KATNAL1: variants seen among roughly 807,000 people sequenced by gnomAD.
The protein encoded by KATNAL1 is katanin catalytic subunit A1 like 1, also known as katanin p60 ATPase-containing subunit A-like 1.
A neutral mutation model predicts 55.2 loss-of-function variants in KATNAL1; 32 were observed. That is an observed-to-expected ratio of 0.58 (90% CI 0.44 to 0.78). The LOEUF (loss-of-function observed/expected upper bound fraction) is 0.78. Among genes scored for constraint, KATNAL1 ranks in the 30% least tolerant of loss-of-function variants. KATNAL1 has a pLI of 0.00. For missense variants in KATNAL1, 466 were observed against 600.9 expected (o/e 0.78, Z 2.35); for synonymous variants, 193 against 193.6 (o/e 1.00, Z 0.02).
At chr13:30,224,122 T>C (rs537039880) in intron 9 of KATNAL1, among the ~76,000 whole-genome samples, 1 of 151,940 alleles carries the variant, frequency 6.6e-6, no homozygotes, top group South Asian at 2.1e-4. Flanking sequence ...AGAAAGGGGA[T>C]AAAAAAGGAA....
chr13:30,235,561 A>C (rs1033364201), intron 6 of KATNAL1, among the ~76,000 whole-genome samples: 4 of 152,230 alleles, frequency 2.6e-5, no homozygotes, highest in African/African-American at 9.6e-5. Context: ...AACTATATCC[A>C]AACTATAACA....
chr13:30,253,604 GCA>G (rs1878532549), intron 4 of KATNAL1, among the ~76,000 whole-genome samples: 1 of 148,020 alleles, frequency 6.8e-6, no homozygotes, highest in Non-Finnish European at 1.5e-5. Context: ...GGTGGAGCCT[GCA>G]GTGAGCTGAG....
intron 9 of KATNAL1, among the ~76,000 whole-genome samples, chr13:30,223,110 A>C (rs902040477): frequency 1.3e-5 from 2 of 151,314 alleles, no homozygotes; most frequent in Non-Finnish European, 2.9e-5. Context: ...AACAAACAAA[A>C]AAGAGATACA....
chr13:30,296,870 C>G, intron 1 of KATNAL1: 1 of 349,546 alleles, frequency 2.9e-6, no homozygotes, highest in Non-Finnish European at 5.6e-6. Flanking sequence ...AGTCTGGGAC[C>G]CTGGAGGGCT....
intron 3 of KATNAL1, among the ~76,000 whole-genome samples, chr13:30,260,582 T>G (rs536063064): frequency 5.3e-5 from 8 of 152,056 alleles, no homozygotes; most frequent in African/African-American, 1.9e-4. Flanking sequence ...TGCAGAAGCC[T>G]CAGGAGCCGA....
chr13:30,229,545 C>T (rs1226603643), intron 8 of KATNAL1, among the ~76,000 whole-genome samples: 1 of 152,080 alleles, frequency 6.6e-6, no homozygotes, highest in Non-Finnish European at 1.5e-5. Context: ...CATGGAGAGA[C>T]CCTGTCTTTA....
chr13:30,245,098 C>CA (rs1293337305), intron 4 of KATNAL1, among the ~76,000 whole-genome samples: 3 of 151,268 alleles, frequency 2.0e-5, no homozygotes, highest in East Asian at 1.9e-4. Flanking sequence ...AGAGTCACAA[C>CA]AAAAAAAGAT....
chr13:30,218,227 T>TATATATATA (rs1555258842), intron 9 of KATNAL1, among the ~76,000 whole-genome samples: 1 of 145,264 alleles, frequency 6.9e-6, no homozygotes, highest in Non-Finnish European at 1.5e-5. Context: ...TATATATATA[T>TATATATATA]AAAGGACCTG....
chr13:30,212,896 T>C (rs1408468248), intron 9 of KATNAL1, among the ~76,000 whole-genome samples: 2 of 152,088 alleles, frequency 1.3e-5, no homozygotes, highest in African/African-American at 4.8e-5. Context: ...GGAGAGGTAA[T>C]TAAGGTAAAA....
intron 6 of KATNAL1, among the ~76,000 whole-genome samples, chr13:30,239,776 C>T (rs1877074843): frequency 6.7e-6 from 1 of 150,048 alleles, no homozygotes; most frequent in Admixed American, 6.7e-5. Context: ...AACTCCAACT[C>T]GCGGGTTCAA....
chr13:30,274,897 GCGCGCGCGCGCACACACACACACA>G (rs971803956), intron 3 of KATNAL1, among the ~76,000 whole-genome samples: 3 of 103,966 alleles, frequency 2.9e-5, no homozygotes, highest in African/African-American at 8.8e-5. Flanking sequence ...ACATACGCGC[GCGCGCGCGCGCACACACACACACA>G]CACACACACA....
rs1336525521 is a variant in KATNAL1 at position 30,205,904 on chromosome 13, C to G, written c.*2636G>C. 8.0e-6 allele frequency: 1 copy of G among 124,916 alleles called. No individual in the cohort carries two copies. Among genetic ancestry groups the G allele is most frequent in the Non-Finnish European group, 1.7e-5 (1 of 60,190 alleles). The allele number at this position is 124,916 out of a possible 1,614,324, so 7.7% of individuals were successfully genotyped here. A position where few individuals can be genotyped will look rare whatever the true frequency, so the allele number is the denominator to read the frequency against. ...ATCCTAGCACTCATTCTGGGTAAGG[C>G]AACACACTGTCTTCTGAAATAGTGT... On this transcript the variant is annotated 3_prime_UTR_variant, in exon 11 of 11. Transcript: ENST00000380615.
intron 3 of KATNAL1, among the ~76,000 whole-genome samples, chr13:30,263,119 C>T (rs1025284284): frequency 2.0e-5 from 3 of 152,084 alleles, no homozygotes; most frequent in Non-Finnish European, 2.9e-5. Flanking sequence ...AGACAAAAAC[C>T]ACATGATTAT....
chr13:30,225,096 G>T (rs138586778), intron 9 of KATNAL1, among the ~76,000 whole-genome samples: 1 of 152,064 alleles, frequency 6.6e-6, no homozygotes, highest in Non-Finnish European at 1.5e-5. Context: ...TTTGAGCCAG[G>T]TATACATTTA....
At chr13:30,250,913 C>T (rs1415300956) in intron 4 of KATNAL1, among the ~76,000 whole-genome samples, 1 of 151,980 alleles carries the variant, frequency 6.6e-6, no homozygotes, top group Non-Finnish European at 1.5e-5. Context: ...CCGAGGCGGG[C>T]GGATCACGAG....
rs1283187402 is a variant in KATNAL1, at chr13:30,203,698, TTAA to T, written c.*4839_*4841del. 6.6e-6 allele frequency: 1 copy of T among 152,152 alleles called. No individual in the cohort carries two copies. Among genetic ancestry groups the T allele is most frequent in the Non-Finnish European group, 1.5e-5 (1 of 68,022 alleles). 9.4% of individuals were successfully genotyped at this position (152,152 alleles called of 1,614,324 possible). The stretch of plus-strand genomic sequence containing the variant: ...TACCTAAATATTTTTCCTGTTTTTA[TTAA>T]TAAGTCACTGGGAATTTAGAAATAT... On this transcript the variant is annotated 3_prime_UTR_variant, in exon 11 of 11. Coordinates refer to ENST00000380615, the MANE Select transcript of KATNAL1 (RefSeq NM_032116.5).
At chr13:30,227,259 A>G (rs560628723) in intron 9 of KATNAL1, among the ~76,000 whole-genome samples, 153 bp downstream of exon 9, 2 of 152,356 alleles carry the variant, frequency 1.3e-5, no homozygotes, top group African/African-American at 4.8e-5. Flanking sequence ...AGAAATTTCA[A>G]TAGAGTACTG....
At chr13:30,302,586 AAAGG>A (rs560423079) in intron 1 of KATNAL1, among the ~76,000 whole-genome samples, 125 of 152,378 alleles carry the variant, frequency 8.2e-4, no homozygotes, top group African/African-American at 2.8e-3. Context: ...AAACGAGAAT[AAAGG>A]AACAACTTAT....
In KATNAL1 at chr13:30,269,871, C is replaced by T. The variant is rs548129978; in HGVS notation, c.323+10192G>A. Reference sequence around the variant, plus strand: ...CCGTCTGGGAAGTGAGGAGCGTCTCCGCCCGGCAGCCACCCCGTCCAGGAG... The same window carrying T: ...CCGTCTGGGAAGTGAGGAGCGTCTCTGCCCGGCAGCCACCCCGTCCAGGAG... On this transcript the variant is annotated intron_variant, in intron 3 of 10. Coordinates refer to ENST00000380615, the MANE Select transcript of KATNAL1 (RefSeq NM_032116.5). Among the ~76,000 whole-genome samples the T allele has an allele frequency of 3.9e-3, 580 of 149,436 alleles. 10 individuals are homozygous for T. The highest frequency in any genetic ancestry group is 0.014 in the African/African-American group (563 of 40,412).
Sources: allele counts gnomAD v4.1 joint callset (sites outside exome capture counted in the v4.1 genomes callset), GRCh38; gene constraint gnomAD v4.1.1; transcripts MANE v1.5; gene names NCBI Gene and HGNC (gene_info 2026-07-23, HGNC 2026-07-21).